Variants in GPC3 observed in about 807,000 individuals in gnomAD.
GPC3 encodes the protein glypican-3.
A neutral mutation model predicts 34.4 loss-of-function variants in GPC3; 3 were observed. That is an observed-to-expected ratio of 0.09 (90% CI 0.04 to 0.23). GPC3 has a LOEUF of 0.23. Among genes scored for constraint, GPC3 ranks in the 10% least tolerant of loss-of-function variants. The pLI, the probability that GPC3 is intolerant of heterozygous loss-of-function variation, is 1.00. For missense variants in GPC3, 351 were observed against 445.6 expected (o/e 0.79, Z 1.91); for synonymous variants, 177 against 174.0 (o/e 1.02, Z -0.13).
chrX:133,737,444 G>A (rs1336075335), intron 3 of GPC3, among the ~76,000 whole-genome samples: 1 of 112,203 alleles, frequency 8.9e-6, no homozygotes, highest in Admixed American at 9.4e-5. Context: ...GGGAGGGTGT[G>A]TGTGTGGAGG....
chrX:133,869,124 C>CT (rs1034701697), intron 2 of GPC3, among the ~76,000 whole-genome samples: 1 of 112,020 alleles, frequency 8.9e-6, no homozygotes, highest in Non-Finnish European at 1.9e-5. Flanking sequence ...ACTTTTCTTT[C>CT]TTTCCTTGTT....
intron 2 of GPC3, among the ~76,000 whole-genome samples, chrX:133,928,447 T>C (rs1464519317): frequency 8.9e-6 from 1 of 111,747 alleles, no homozygotes; most frequent in Non-Finnish European, 1.9e-5. Flanking sequence ...TAAAAATTGC[T>C]GGGATTGCTG....
At chrX:133,699,332 C>A (rs184967295) in intron 4 of GPC3, among the ~76,000 whole-genome samples, 1,247 of 111,442 alleles carry the variant, frequency 0.011, 12 homozygotes, top group Middle Eastern at 0.028. Context: ...TTATTGTAAT[C>A]AAAAAAATAG....
chrX:133,585,841 A>G (rs1160247505), intron 7 of GPC3, among the ~76,000 whole-genome samples: 1 of 112,410 alleles, frequency 8.9e-6, no homozygotes, highest in African/African-American at 3.2e-5. Context: ...TCCAGAGAAA[A>G]TCAATTGCAC....
chrX:133,690,890 T>C (rs1303307972), intron 5 of GPC3, among the ~76,000 whole-genome samples: 1 of 111,626 alleles, frequency 9.0e-6, no homozygotes, highest in Non-Finnish European at 1.9e-5. Context: ...AACATGCTAC[T>C]TGTACAAACA....
chrX:133,778,248 A>G (rs1268460864), intron 2 of GPC3, among the ~76,000 whole-genome samples: 2 of 111,920 alleles, frequency 1.8e-5, no homozygotes, highest in East Asian at 5.6e-4. Flanking sequence ...TACTCGAGCT[A>G]TCTGAACTGC....
chrX:133,942,123 A>G (rs1269850107), intron 2 of GPC3, among the ~76,000 whole-genome samples: 1 of 111,952 alleles, frequency 8.9e-6, no homozygotes, highest in Non-Finnish European at 1.9e-5. Flanking sequence ...AATATACCCC[A>G]TAAATATATA....
intron 6 of GPC3, among the ~76,000 whole-genome samples, chrX:133,629,486 C>G (rs775109722): frequency 1.8e-5 from 2 of 110,838 alleles, no homozygotes; most frequent in African/African-American, 3.3e-5. Context: ...ACCTCCACCC[C>G]CCAGGTTCAA....
At chrX:133,786,420 G>T (rs181733542) in intron 2 of GPC3, among the ~76,000 whole-genome samples, 3 of 112,488 alleles carry the variant, frequency 2.7e-5, no homozygotes, top group Admixed American at 1.9e-4. Context: ...AAGGAAGAAA[G>T]AAAGAACCCC....
chrX:133,772,142 AAAACT>A (rs1313276860), intron 2 of GPC3, among the ~76,000 whole-genome samples: 1 of 111,936 alleles, frequency 8.9e-6, no homozygotes. Context: ...TAAAAAGAAA[AAAACT>A]AAACTAAAGA....
At chrX:133,942,841 C>T in intron 2 of GPC3, among the ~76,000 whole-genome samples, 1 of 111,835 alleles carries the variant, frequency 8.9e-6, no homozygotes. Flanking sequence ...GATAACAATT[C>T]TTTCTAATGA....
chrX:133,610,328 T>C (rs1798226957), intron 6 of GPC3, among the ~76,000 whole-genome samples: 1 of 110,949 alleles, frequency 9.0e-6, no homozygotes, highest in South Asian at 3.9e-4. Flanking sequence ...TTGGTGATGA[T>C]GGTGGTGATA....
At chrX:133,719,820 A>G (rs911654379) in intron 3 of GPC3, among the ~76,000 whole-genome samples, 1 of 111,861 alleles carries the variant, frequency 8.9e-6, no homozygotes, top group African/African-American at 3.2e-5. Flanking sequence ...TCTGCATTCA[A>G]CAAAGGACTA....
intron 1 of GPC3, among the ~76,000 whole-genome samples, chrX:133,976,603 T>A (rs2076516185): frequency 1.1e-5 from 1 of 87,501 alleles, no homozygotes; most frequent in African/African-American, 4.3e-5. Context: ...CATCTCCTCT[T>A]CAATCGTAAG....
At chrX:133,762,912 TAAAAGG>T (rs2071809246) in intron 2 of GPC3, 11 of 555,020 alleles carry the variant, frequency 2.0e-5, no homozygotes, top group Admixed American at 4.5e-5. Context: ...AGTACATCTA[TAAAAGG>T]AAAAGTGATG....
chrX:133,797,164 C>T (rs2075586138), intron 2 of GPC3, among the ~76,000 whole-genome samples: 1 of 110,556 alleles, frequency 9.0e-6, no homozygotes, highest in Non-Finnish European at 1.9e-5. Context: ...TACCCCCAAA[C>T]CTTGGATTAG....
chrX:133,653,346 A>G (rs1227683813), intron 6 of GPC3, among the ~76,000 whole-genome samples: 1 of 112,020 alleles, frequency 8.9e-6, no homozygotes, highest in African/African-American at 3.2e-5. Context: ...CAATCTGAAT[A>G]CACTGCCCTA....
chrX:133,923,375 C>T (rs2076260361), intron 2 of GPC3, among the ~76,000 whole-genome samples: 1 of 111,392 alleles, frequency 9.0e-6, no homozygotes, highest in South Asian at 3.8e-4. Flanking sequence ...ACTGCTCCCT[C>T]CTTTATGAGA....
chrX:133,741,824 C>G (rs1225363928), intron 3 of GPC3, among the ~76,000 whole-genome samples: 1 of 112,955 alleles, frequency 8.9e-6, no homozygotes, highest in Admixed American at 9.3e-5. Context: ...GATTAAGGAA[C>G]AGACACTAAG....
Sources: gnomAD v4.1 joint callset for allele counts (sites outside exome capture counted in the v4.1 genomes callset) on GRCh38, gnomAD v4.1.1 for gene constraint, MANE v1.5 for transcripts, NCBI Gene and HGNC (gene_info 2026-07-23, HGNC 2026-07-21) for gene names.